POM121: variants seen among roughly 807,000 people sequenced by gnomAD.
POM121 encodes the protein POM121 transmembrane nucleoporin.
A neutral mutation model predicts 81.3 loss-of-function variants in POM121; 32 were observed. That is an observed-to-expected ratio of 0.39 (90% CI 0.30 to 0.53). The LOEUF is 0.53. Among genes scored for constraint, POM121 ranks in the 20% least tolerant of loss-of-function variants. POM121 has a pLI of 0.66. For synonymous variants in POM121, 514 were observed against 694.2 expected, an observed-to-expected ratio of 0.74 and a Z score of 4.08; for missense variants, 1,138 against 1,614.6, an observed-to-expected ratio of 0.70 and a Z score of 5.06.
intron 3 of POM121, among the ~76,000 whole-genome samples, chr7:72,902,018 A>G (rs1204929307): frequency 6.6e-6 from 1 of 151,672 alleles, no homozygotes; most frequent in Non-Finnish European, 1.5e-5. Flanking sequence ...AGTCTGAGGC[A>G]GGAGAATCAC....
intron 5 of POM121, among the ~76,000 whole-genome samples, chr7:72,936,959 TTAAAG>T (rs201035998): frequency 0.029 from 4,459 of 152,148 alleles, 207 homozygotes; most frequent in African/African-American, 0.1. Context: ...CTATGTGCTT[TTAAAG>T]TTCCACAGGT....
Position 72,943,222 on chromosome 7 carries a change from A to G in POM121, c.3229A>G (p.Thr1077Ala). The change falls in exon 11 of 13, where the codon ACC becomes GCC. Residue 1077 changes from threonine to alanine, a missense_variant. Around this residue, in one of 7 missense-constraint regions of POM121, gnomAD observed 336 missense variants for 344.3 expected, o/e 0.98. Transcript: ENST00000434423. ...AATSSGFGAT[T>A]QTASSGSSSS... is the part of the protein sequence containing the mutation. ...CACCAGCTCCGGCTTTGGAGCCACC[A>G]CCCAGACCGCCAGCAGCGGGAGCAG... 1 of 1,612,690 alleles carries G rather than the reference A, an allele frequency of 6.2e-7. No individual in the cohort carries two copies.
chr7:72,884,775 T>A (rs377532680), intron 1 of POM121, among the ~76,000 whole-genome samples: 4,857 of 59,578 alleles, frequency 0.082, no homozygotes, highest in Admixed American at 0.1. Context: ...ATATATATTT[T>A]TTTTCTGAAC....
intron 3 of POM121, among the ~76,000 whole-genome samples, chr7:72,903,756 G>A (rs1189312236): frequency 2.6e-5 from 4 of 152,186 alleles, no homozygotes; most frequent in African/African-American, 9.6e-5. Flanking sequence ...CAGTCCTTCA[G>A]GGCTTAGCCA....
chr7:72,923,629 T>G (rs1795046196), upstream of POM121, among the ~76,000 whole-genome samples: 2 of 113,794 alleles, frequency 1.8e-5, no homozygotes, highest in African/African-American at 7.0e-5. Context: ...AGACGGAGTC[T>G]CGCTCTGTCG....
intron 2 of POM121, 80 bp from the exon 3 acceptor site, chr7:72,926,722 G>A: frequency 6.4e-7 from 1 of 1,551,964 alleles, no homozygotes; most frequent in Non-Finnish European, 8.7e-7. Flanking sequence ...GTTAGCTTCT[G>A]ATTTCTTGTT....
At chr7:72,882,307 A>G (rs1342411322) in intron 1 of POM121, among the ~76,000 whole-genome samples, 6 of 152,182 alleles carry the variant, frequency 3.9e-5, no homozygotes, top group African/African-American at 1.2e-4. Context: ...ACCAGAGCAG[A>G]AGGAAGAGGG....
At chr7:72,937,277 T>A (rs1586172611) in intron 5 of POM121, among the ~76,000 whole-genome samples, 2 of 151,484 alleles carry the variant, frequency 1.3e-5, no homozygotes, top group Non-Finnish European at 2.9e-5. Flanking sequence ...GTTCCACAGG[T>A]GACTGAGCCG....
At chr7:72,891,278 A>T (rs1330389555) in intron 3 of POM121, among the ~76,000 whole-genome samples, 1 of 152,004 alleles carries the variant, frequency 6.6e-6, no homozygotes, top group Non-Finnish European at 1.5e-5. Context: ...TTTATATTTG[A>T]TTTACATTGG....
At chr7:72,949,374 G>T, downstream of POM121, 1 of 890,626 alleles carries the variant, frequency 1.1e-6, no homozygotes, top group African/African-American at 1.7e-5. Flanking sequence ...GCGGATCTAA[G>T]GGGGAGACCG....
At chr7:72,884,422 C>G (rs1554489751) in intron 1 of POM121, among the ~76,000 whole-genome samples, 1 of 150,844 alleles carries the variant, frequency 6.6e-6, no homozygotes, top group African/African-American at 2.4e-5. Flanking sequence ...GACGGAATCC[C>G]TTTAAGTTGG....
At chr7:72,928,548 T>C (rs1795701197) in intron 4 of POM121, 83 bp downstream of exon 4, 1 of 1,507,194 alleles carries the variant, frequency 6.6e-7, no homozygotes, top group Non-Finnish European at 9.2e-7. Flanking sequence ...ATTTTCCTCT[T>C]TGTTTTTTGC....
chr7:72,902,061 G>A (rs12113959), intron 3 of POM121, among the ~76,000 whole-genome samples: 5 of 151,134 alleles, frequency 3.3e-5, no homozygotes, highest in South Asian at 2.1e-4. Flanking sequence ...TCAGTGAGCC[G>A]AGATCGCGCC....
intron 1 of POM121, among the ~76,000 whole-genome samples, chr7:72,884,066 C>T (rs1554489693): frequency 2.6e-5 from 4 of 152,118 alleles, no homozygotes; most frequent in African/African-American, 7.2e-5. Context: ...CCACAATGCC[C>T]AGCGGATTTT....
chr7:72,884,747 G>GTA (rs1402486400), intron 1 of POM121, among the ~76,000 whole-genome samples: 3 of 149,086 alleles, frequency 2.0e-5, no homozygotes, highest in Admixed American at 6.7e-5. Flanking sequence ...ATACGTGTGT[G>GTA]TATATATATA....
exon 2 of POM121, chr7:72,890,740 T>G: frequency 8.1e-6 from 13 of 1,601,796 alleles, no homozygotes; most frequent in Non-Finnish European, 1.1e-5. Context: ...ACTACAGCCA[T>G]CTAGTTTCCC....
At chr7:72,944,465 A>G (rs1488134241) in intron 11 of POM121, among the ~76,000 whole-genome samples, 1 of 151,926 alleles carries the variant, frequency 6.6e-6, no homozygotes, top group Non-Finnish European at 1.5e-5. Flanking sequence ...AAGGAACATC[A>G]TATTAAAAAG....
intron 2 of POM121, chr7:72,890,758 G>C: frequency 6.2e-7 from 1 of 1,600,306 alleles, no homozygotes; most frequent in Non-Finnish European, 8.5e-7. Context: ...CCCTGGGTGA[G>C]GATAGCTTGC....
chr7:72,922,292 A>G (rs144918032), upstream of POM121, among the ~76,000 whole-genome samples: 10 of 152,246 alleles, frequency 6.6e-5, no homozygotes, highest in East Asian at 1.9e-3. Context: ...TTTAAATTCT[A>G]CTTACTAATC....
Sources: gnomAD v4.1 joint callset for allele counts (sites outside exome capture counted in the v4.1 genomes callset) on GRCh38, gnomAD v4.1.1 for gene constraint, gnomAD v4.1.1 regional missense constraint, MANE v1.5 for transcripts, NCBI Gene and HGNC (gene_info 2026-07-23, HGNC 2026-07-21) for gene names.